Variants in NALF1 observed in about 807,000 individuals in gnomAD.
The protein encoded by NALF1 is family with sequence similarity 155 member A.
Under a neutral mutation model 48.4 loss-of-function variants are expected in NALF1, and 3 were observed. That is an observed-to-expected ratio of 0.06 (90% confidence interval 0.03 to 0.16). NALF1 has a LOEUF of 0.16. Among genes scored for constraint, NALF1 ranks in the 10% least tolerant of loss-of-function variants. The probability of loss-of-function intolerance (pLI) is 1.00; values close to 1 mark genes in which losing one functional copy is unlikely to be tolerated. For synonymous variants in NALF1, 262 were observed against 245.7 expected, an observed-to-expected ratio of 1.07 and a Z score of -0.62; for missense variants, 526 against 571.5, an observed-to-expected ratio of 0.92 and a Z score of 0.81.
chr13:107,246,036 G>A (rs529188529), intron 1 of NALF1, among the ~76,000 whole-genome samples: 5 of 152,074 alleles, frequency 3.3e-5, no homozygotes, highest in African/African-American at 4.8e-5. Flanking sequence ...GTACCCAAGC[G>A]TCCTCCTCTC....
chr13:107,788,696 AG>A (rs1442065738), intron 1 of NALF1: 1 of 152,128 alleles, frequency 6.6e-6, no homozygotes, highest in East Asian at 1.9e-4. Flanking sequence ...TCCAGAATGC[AG>A]GGGCTTATCT....
intron 1 of NALF1, among the ~76,000 whole-genome samples, chr13:107,620,376 G>A (rs989419364): frequency 6.6e-6 from 1 of 152,208 alleles, no homozygotes; most frequent in Middle Eastern, 3.2e-3. Context: ...TCATTGGAGT[G>A]ATACAGGAAA....
At chr13:107,450,161 C>A (rs1159380205) in intron 1 of NALF1, among the ~76,000 whole-genome samples, 1 of 152,114 alleles carries the variant, frequency 6.6e-6, no homozygotes, top group Non-Finnish European at 1.5e-5. Context: ...GGACTAAGGG[C>A]TGGCCTAAGG....
intron 1 of NALF1, among the ~76,000 whole-genome samples, chr13:107,308,014 T>C (rs1170350157): frequency 2.0e-5 from 3 of 152,076 alleles, no homozygotes; most frequent in Non-Finnish European, 4.4e-5. Context: ...GTCATGATTA[T>C]CTTCTAAAGA....
At chr13:107,661,829 T>A (rs16970872) in intron 1 of NALF1, among the ~76,000 whole-genome samples, 1 of 152,076 alleles carries the variant, frequency 6.6e-6, no homozygotes, top group South Asian at 2.1e-4. Flanking sequence ...TTAAGCCTGA[T>A]ACTTAACACC....
chr13:107,671,513 T>C (rs1244456577), intron 1 of NALF1, among the ~76,000 whole-genome samples: 1 of 152,126 alleles, frequency 6.6e-6, no homozygotes, highest in Admixed American at 6.6e-5. Flanking sequence ...GTACATAGTT[T>C]TATATAAGCT....
In NALF1 at chr13:107,453,051, T is replaced by C. The variant is rs533134980; in HGVS notation, c.916-242296A>G. Among the ~76,000 whole-genome samples, 3 of 152,334 alleles carry C rather than the reference T, an allele frequency of 2.0e-5. No homozygotes were observed. In the South Asian group the frequency reaches 6.2e-4, roughly 32 times the overall value. ...ACAGCTCCACTCCTTTGGCTTTGCA[T>C]GGTACAACCCCACTCCTGGCTGCTT... On this transcript the variant is annotated intron_variant, in intron 1 of 2. Transcript: ENST00000375915.
chr13:107,287,706 CTTTT>C (rs59607599), intron 1 of NALF1, among the ~76,000 whole-genome samples: 9 of 127,892 alleles, frequency 7.0e-5, no homozygotes, highest in African/African-American at 2.0e-4. Context: ...TCTTTTCTTT[CTTTT>C]TTTTTTTTTT....
intron 1 of NALF1, among the ~76,000 whole-genome samples, chr13:107,614,672 T>C (rs1250389033): frequency 1.3e-5 from 2 of 152,190 alleles, no homozygotes; most frequent in Non-Finnish European, 2.9e-5. Context: ...GGATCACATA[T>C]ACTCTTATTT....
intron 2 of NALF1, among the ~76,000 whole-genome samples, chr13:107,187,410 C>G (rs983255568): frequency 1.3e-5 from 2 of 151,994 alleles, no homozygotes; most frequent in Non-Finnish European, 2.9e-5. Context: ...ATACTCTTCT[C>G]TCATCACCTT....
At chr13:107,178,041 T>C (rs1288835496) in intron 2 of NALF1, among the ~76,000 whole-genome samples, 1 of 150,570 alleles carries the variant, frequency 6.6e-6, no homozygotes, top group East Asian at 1.9e-4. Context: ...AGCAAGACTG[T>C]CTCAAAAAAA....
intron 1 of NALF1, among the ~76,000 whole-genome samples, chr13:107,700,595 A>G (rs561680263): frequency 2.0e-4 from 30 of 152,238 alleles, no homozygotes; most frequent in African/African-American, 6.7e-4. Context: ...ATATTACACC[A>G]AAAGTTCAGT....
intron 1 of NALF1, among the ~76,000 whole-genome samples, chr13:107,801,466 G>A (rs1439318830): frequency 3.9e-5 from 6 of 152,136 alleles, no homozygotes; most frequent in Non-Finnish European, 7.4e-5. Flanking sequence ...GGCAATGCTC[G>A]GGTGGTGTTC....
chr13:107,443,167 ACAATCTAT>A (rs138460913), intron 1 of NALF1, among the ~76,000 whole-genome samples: 4,106 of 138,376 alleles, frequency 0.03, 93 homozygotes, highest in Middle Eastern at 0.053. Flanking sequence ...TATTTATCTA[ACAATCTAT>A]CTATCTATCT....
intron 1 of NALF1, among the ~76,000 whole-genome samples, chr13:107,782,307 G>C (rs985789914): frequency 6.6e-6 from 1 of 152,302 alleles, no homozygotes; most frequent in East Asian, 1.9e-4. Flanking sequence ...CGCCAGCCTC[G>C]GCCTCCGGAG....
chr13:107,319,971 G>A (rs147470770), intron 1 of NALF1, among the ~76,000 whole-genome samples: 2 of 152,198 alleles, frequency 1.3e-5, no homozygotes, highest in East Asian at 3.9e-4. Context: ...TGAAGTACTT[G>A]TGACACACCA....
At chr13:107,271,778 A>C (rs1431096478) in intron 1 of NALF1, among the ~76,000 whole-genome samples, 1 of 10,028 alleles carries the variant, frequency 1.0e-4, no homozygotes, top group Admixed American at 1.3e-3. Context: ...ACTGGACTAT[A>C]TATATATATA....
chr13:107,308,689 C>T (rs1881988509), intron 1 of NALF1, among the ~76,000 whole-genome samples: 5 of 152,178 alleles, frequency 3.3e-5, no homozygotes, highest in Admixed American at 2.6e-4. Context: ...AATACAAGTG[C>T]TCAGTGATTG....
At chr13:107,207,054 T>C (rs144673360) in intron 2 of NALF1, among the ~76,000 whole-genome samples, 47 of 152,312 alleles carry the variant, frequency 3.1e-4, no homozygotes, top group African/African-American at 1.1e-3. Context: ...AAATGCTTGA[T>C]GATTTTTTTC....
Sources: gnomAD v4.1 joint callset for allele counts (sites outside exome capture counted in the v4.1 genomes callset) on GRCh38, gnomAD v4.1.1 for gene constraint, MANE v1.5 for transcripts, NCBI Gene and HGNC (gene_info 2026-07-23, HGNC 2026-07-21) for gene names.